The following FREM1 variants were observed in gnomAD, a reference collection of about 807,000 sequenced individuals.
FREM1 encodes FRAS1-related extracellular matrix protein 1.
A neutral mutation model predicts 210.1 loss-of-function variants in FREM1; 220 were observed. The observed-to-expected ratio is 1.05, with a 90% CI of 0.94 to 1.17. The LOEUF is 1.17. Ranked by LOEUF, FREM1 falls within the 50% of genes most tolerant of loss-of-function variation. The probability of loss-of-function intolerance (pLI) is 0.00; values close to 1 mark genes in which losing one functional copy is unlikely to be tolerated. For synonymous variants in FREM1, 1,189 were observed against 980.2 expected (o/e 1.21, Z -3.98); for missense variants, 3,454 against 2,675.5 (o/e 1.29, Z -6.42).
Position 14,819,419 on chromosome 9 carries a change from C to G in FREM1, c.2361G>C (p.Val787=). The G allele has an allele frequency of 6.2e-7, 1 of 1,611,992 alleles. No homozygotes were observed. Among genetic ancestry groups the G allele is most frequent in the Non-Finnish European group, 8.5e-7 (1 of 1,178,402 alleles). The change falls in exon 14 of 37, where the codon GTG becomes GTC. Residue 787 remains valine, a synonymous_variant. Transcript: ENST00000380880. ...TGATGATGCTTTGACCTCCCTCAGT[C>G]ACTTTCAGAGGGTTGGTGAACGCCT... The part of the protein sequence containing the change: ...VPEAFTNPLK[V]TEGGQSIIST...
chr9:14,851,067 C>T (rs959717068), intron 6 of FREM1, among the ~76,000 whole-genome samples: 1 of 152,152 alleles, frequency 6.6e-6, no homozygotes, highest in Non-Finnish European at 1.5e-5. Flanking sequence ...GAGGGGATGG[C>T]TCTTTCTTCA....
Position 14,875,140 on chromosome 9 carries a change from C to T in FREM1, c.-267-5896G>A, listed in dbSNP as rs184556492. Reference sequence around the variant, plus strand: ...TCAACTTTGGTGAATCTGACAATTACGTGTCTTGGAGTTGCTCTTCTCGAG... The same window carrying T: ...TCAACTTTGGTGAATCTGACAATTATGTGTCTTGGAGTTGCTCTTCTCGAG... On this transcript the variant is annotated intron_variant, in intron 1 of 36. Coordinates refer to ENST00000380880, the MANE Select transcript of FREM1 (RefSeq NM_001379081.2). 1.8e-3 allele frequency among the ~76,000 whole-genome samples: 267 copies of T among 152,244 alleles called. 1 individual carries two copies. Among genetic ancestry groups the T allele is most frequent in the Admixed American group, 4.3e-3 (66 of 15,294 alleles).
At chr9:14,811,834 A>C (rs1339069737) in intron 16 of FREM1, among the ~76,000 whole-genome samples, 1 of 152,118 alleles carries the variant, frequency 6.6e-6, no homozygotes, top group Non-Finnish European at 1.5e-5. Context: ...TTGAATTCTG[A>C]AAGTTCTTAT....
intron 27 of FREM1, among the ~76,000 whole-genome samples, chr9:14,764,528 T>G (rs766721433): frequency 6.6e-6 from 1 of 152,194 alleles, no homozygotes; most frequent in Non-Finnish European, 1.5e-5. Flanking sequence ...AATTCATAAT[T>G]TCTTAAAACA....
At chr9:14,827,044 G>C (rs1452129763) in intron 10 of FREM1, among the ~76,000 whole-genome samples, 1 of 152,226 alleles carries the variant, frequency 6.6e-6, no homozygotes, top group Non-Finnish European at 1.5e-5. Flanking sequence ...TGTGGAAGTA[G>C]CTTTAGAACT....
intron 22 of FREM1, among the ~76,000 whole-genome samples, chr9:14,792,223 C>T (rs892913398): frequency 6.6e-6 from 1 of 151,132 alleles, no homozygotes; most frequent in African/African-American, 2.4e-5. Context: ...TTTCATTTTC[C>T]TGAGAATGAT....
chr9:14,866,451 A>C (rs1357338772), intron 2 of FREM1, among the ~76,000 whole-genome samples: 1 of 152,122 alleles, frequency 6.6e-6, no homozygotes, highest in Non-Finnish European at 1.5e-5. Context: ...AGGCCATTTG[A>C]GGTAGGGAGA....
chr9:14,746,786 C>G (rs1335717482), intron 34 of FREM1, 137 bp downstream of exon 34: 2 of 1,065,180 alleles, frequency 1.9e-6, no homozygotes, highest in Non-Finnish European at 2.6e-6. Flanking sequence ...CCATTTTTTC[C>G]TCTTGGCCTT....
In FREM1 at chr9:14,805,152, T is replaced by C. The variant is rs765293006; in HGVS notation, c.3275A>G (p.Asp1092Gly). Residue 1092 changes from aspartate to glycine, a missense_variant and splice_region_variant, in exon 19 of 37, where the codon GAT (aspartate) becomes GGT (glycine). By Grantham distance (94) the Asp-to-Gly change is moderately conservative. Coordinates refer to ENST00000380880, the MANE Select transcript of FREM1 (RefSeq NM_001379081.2). ...GTTCATGTCTTTCCACTGAAATGAA[T>C]CTAGAGCACACCAAGATGGAACAGA... is the stretch of plus-strand genomic sequence containing the variant. The part of the protein sequence containing the change: ...FEKSNIGISI[D>G]SFQWKDMNAF... 1.3e-6 allele frequency: 2 copies of C among 1,540,764 alleles called. No homozygotes were observed. The highest frequency in any genetic ancestry group is 2.0e-5 in the Admixed American group (1 of 50,372).
At position 14,756,452 on chromosome 9, in the gene FREM1, G is replaced by C. The variant is rs1298255599; in HGVS notation, c.5335-6C>G. The stretch of plus-strand genomic sequence containing the variant: ...GCAGCTGACACTTGGTTGACCTTAG[G>C]AGGGAAAAAAAAATCTTTTTAAGAT... On this transcript the variant is annotated splice_polypyrimidine_tract_variant and splice_region_variant and intron_variant, in intron 28 of 36. Transcript: ENST00000380880. 2 of 1,577,150 alleles carry C rather than the reference G, an allele frequency of 1.3e-6. No homozygotes were observed. The highest frequency in any genetic ancestry group is 4.6e-5 in the East Asian group (2 of 43,184).
chr9:14,853,411 G>C (rs564307643), intron 5 of FREM1, among the ~76,000 whole-genome samples: 2 of 152,298 alleles, frequency 1.3e-5, no homozygotes, highest in East Asian at 1.9e-4. Flanking sequence ...AGCTGCAGGA[G>C]AAATTGCAAG....
intron 28 of FREM1, among the ~76,000 whole-genome samples, chr9:14,756,904 T>C (rs919103532): frequency 2.0e-5 from 3 of 152,184 alleles, no homozygotes; most frequent in African/African-American, 7.2e-5. Flanking sequence ...GGAGGTATCC[T>C]GCAAGCTCCA....
chr9:14,812,649 C>T (rs1819607008), intron 16 of FREM1, among the ~76,000 whole-genome samples, 163 bp downstream of exon 16: 1 of 152,068 alleles, frequency 6.6e-6, no homozygotes, highest in South Asian at 2.1e-4. Flanking sequence ...GAAATACTTC[C>T]ATATATGGTG....
At chr9:14,884,767 G>A (rs537295422) in intron 1 of FREM1, among the ~76,000 whole-genome samples, 2 of 151,938 alleles carry the variant, frequency 1.3e-5, no homozygotes, top group Non-Finnish European at 2.9e-5. Context: ...AATTCTTAAC[G>A]GTCAATGGTA....
rs1240452556 is a variant in FREM1, at chr9:14,861,108, CACATATATAT to C, written c.330-1634_330-1625del. ...ATACACATATATATAAACATATATA[CACATATATAT>C]ACATATATACACATATATACATATA... On this transcript the variant is annotated intron_variant, in intron 3 of 36. Coordinates refer to ENST00000380880, the MANE Select transcript of FREM1 (RefSeq NM_001379081.2). Among the ~76,000 whole-genome samples the C allele has an allele frequency of 3.9e-5, 4 of 101,420 alleles. 1 individual carries two copies. The highest frequency in any genetic ancestry group is 7.0e-5 in the Non-Finnish European group (4 of 57,078). The allele number at this position is 101,420 out of a possible 152,430, so 66.5% of individuals were successfully genotyped here.
At chr9:14,827,794 T>G (rs558855775) in intron 10 of FREM1, among the ~76,000 whole-genome samples, 1 of 152,338 alleles carries the variant, frequency 6.6e-6, no homozygotes, top group East Asian at 1.9e-4. Flanking sequence ...GTGGGGTCTC[T>G]GCCCAGCACT....
intron 6 of FREM1, 140 bp from the exon 7 acceptor site, chr9:14,848,913 G>T: frequency 4.0e-6 from 2 of 494,892 alleles, no homozygotes; most frequent in East Asian, 3.0e-5. Flanking sequence ...ATCTCATTTA[G>T]ACATCCTGAT....
intron 4 of FREM1, among the ~76,000 whole-genome samples, chr9:14,858,281 T>C (rs768509853): frequency 6.6e-6 from 1 of 152,186 alleles, no homozygotes; most frequent in African/African-American, 2.4e-5. Flanking sequence ...CTGAAAACCA[T>C]AATTGTCTCT....
chr9:14,889,240 A>G (rs2132333086), intron 1 of FREM1, among the ~76,000 whole-genome samples: 1 of 152,292 alleles, frequency 6.6e-6, no homozygotes, highest in South Asian at 2.1e-4. Context: ...GAGGCTCTTG[A>G]TATGCATGCT....
Sources: gnomAD v4.1 joint callset for allele counts (sites outside exome capture counted in the v4.1 genomes callset) on GRCh38, gnomAD v4.1.1 for gene constraint, MANE v1.5 for transcripts, NCBI Gene and HGNC (gene_info 2026-07-23, HGNC 2026-07-21) for gene names.